ARHGAP26: variants seen among roughly 807,000 people sequenced by gnomAD.
ARHGAP26 encodes Rho GTPase activating protein 26.
Under a neutral mutation model 104.8 loss-of-function variants are expected in ARHGAP26, and 38 were observed. That is an observed-to-expected ratio of 0.36 (90% CI 0.28 to 0.48). ARHGAP26 has a LOEUF of 0.48. ARHGAP26 is among the 20% of genes least tolerant of loss of function. ARHGAP26 has a pLI of 0.99. For missense variants in ARHGAP26, 704 were observed against 947.9 expected (o/e 0.74, Z 3.38); for synonymous variants, 341 against 340.0 (o/e 1.00, Z -0.03).
chr5:142,979,702 C>A (rs1050333820), intron 11 of ARHGAP26, among the ~76,000 whole-genome samples: 1 of 152,224 alleles, frequency 6.6e-6, no homozygotes. Context: ...TGTTTGCCTT[C>A]CAGGCAAAGA....
At chr5:142,843,163 T>C (rs1254032878) in intron 1 of ARHGAP26, among the ~76,000 whole-genome samples, 2 of 151,726 alleles carry the variant, frequency 1.3e-5, no homozygotes, top group Non-Finnish European at 2.9e-5. Flanking sequence ...ACACTGGAGG[T>C]TTCCAAGACC....
At chr5:142,774,666 A>G (rs562891865) in intron 1 of ARHGAP26, among the ~76,000 whole-genome samples, 51 of 152,226 alleles carry the variant, frequency 3.4e-4, no homozygotes, top group Non-Finnish European at 6.2e-4. Context: ...GTATAATGAC[A>G]TATAAACACC....
At chr5:143,188,764 T>C (rs1214232562) in intron 20 of ARHGAP26, among the ~76,000 whole-genome samples, 1 of 152,176 alleles carries the variant, frequency 6.6e-6, no homozygotes, top group African/African-American at 2.4e-5. Flanking sequence ...TTAACATAAA[T>C]ATACTGACAA....
chr5:142,851,752 G>A (rs1328147499), intron 1 of ARHGAP26, among the ~76,000 whole-genome samples: 1 of 152,202 alleles, frequency 6.6e-6, no homozygotes, highest in Non-Finnish European at 1.5e-5. Context: ...TTTAGTTGCT[G>A]TGTTTTCTCC....
intron 12 of ARHGAP26, among the ~76,000 whole-genome samples, chr5:143,034,526 G>A (rs1328818217): frequency 1.3e-5 from 2 of 152,206 alleles, no homozygotes; most frequent in African/African-American, 4.8e-5. Context: ...TCCCATTTAT[G>A]TGAGGTGTTC....
At chr5:143,204,551 A>G (rs1353156019) in intron 20 of ARHGAP26, among the ~76,000 whole-genome samples, 1 of 152,216 alleles carries the variant, frequency 6.6e-6, no homozygotes, top group Admixed American at 6.5e-5. Context: ...AGTTGATACT[A>G]CGGTAATTGA....
At chr5:143,198,895 A>G (rs1807268279) in intron 20 of ARHGAP26, among the ~76,000 whole-genome samples, 3 of 152,226 alleles carry the variant, frequency 2.0e-5, no homozygotes, top group Admixed American at 1.3e-4. Flanking sequence ...TTTGGGGTAC[A>G]AATGATCCCA....
At chr5:143,094,862 G>A (rs561134136) in intron 17 of ARHGAP26, among the ~76,000 whole-genome samples, 1 of 152,212 alleles carries the variant, frequency 6.6e-6, no homozygotes, top group African/African-American at 2.4e-5. Flanking sequence ...ATGAGTCGGG[G>A]TGGAGCAGGT....
intron 11 of ARHGAP26, among the ~76,000 whole-genome samples, chr5:143,012,028 GT>G (rs1778826119): frequency 6.6e-6 from 1 of 152,132 alleles, no homozygotes; most frequent in Non-Finnish European, 1.5e-5. Context: ...AGAAATTAAA[GT>G]TCAGCAAGAT....
At chr5:143,157,405 T>C (rs1250842079) in intron 20 of ARHGAP26, among the ~76,000 whole-genome samples, 1 of 152,154 alleles carries the variant, frequency 6.6e-6, no homozygotes, top group African/African-American at 2.4e-5. Flanking sequence ...CTTGAACTCC[T>C]GACCTCAAGT....
intron 22 of ARHGAP26, among the ~76,000 whole-genome samples, chr5:143,218,988 C>T (rs899078363): frequency 5.9e-5 from 9 of 152,372 alleles, no homozygotes; most frequent in Admixed American, 5.9e-4. Flanking sequence ...GCAGAACCAA[C>T]TCCATAGTCA....
intron 1 of ARHGAP26, among the ~76,000 whole-genome samples, chr5:142,863,532 T>A (rs1753742101): frequency 6.6e-6 from 1 of 152,242 alleles, no homozygotes. Flanking sequence ...CTATTCTGTC[T>A]GCAACAGCTT....
chr5:142,833,461 TCTTAA>T (rs1473610730), intron 1 of ARHGAP26, among the ~76,000 whole-genome samples: 1 of 152,222 alleles, frequency 6.6e-6, no homozygotes, highest in Non-Finnish European at 1.5e-5. Flanking sequence ...TTTTCTTACC[TCTTAA>T]CTTTAAACAT....
In ARHGAP26 at chr5:142,825,848, T is replaced by C. The variant is rs114712195; in HGVS notation, c.155-47552T>C. On this transcript the variant is annotated intron_variant, in intron 1 of 22. Transcript: ENST00000645722. The stretch of plus-strand genomic sequence containing the variant: ...TCATTTATAGGTGTCCTTGGCGGAA[T>C]CCCTCAGAACACAGTTCTCGAATCT... 2.9e-3 allele frequency among the ~76,000 whole-genome samples: 441 copies of C among 152,308 alleles called. 3 individuals are homozygous for C. Among genetic ancestry groups the C allele is most frequent in the African/African-American group, 1.0e-2 (415 of 41,566 alleles).
chr5:143,098,769 C>T lies in ARHGAP26; in HGVS notation c.1539-22219C>T, dbSNP rs1237418152. Among the ~76,000 whole-genome samples, 4 of 152,084 alleles carry T rather than the reference C, an allele frequency of 2.6e-5. No homozygotes were observed. The East Asian group carries it at 7.7e-4, about 29-fold the overall frequency. On this transcript the variant is annotated intron_variant, in intron 17 of 22. Transcript: ENST00000645722. ...CTTTCAAATTGGAGTAATAACTTCT[C>T]CCTCATAGAAAATGAATTTAATAGT...
chr5:143,064,337 T>C (rs1787171861), intron 17 of ARHGAP26, among the ~76,000 whole-genome samples: 1 of 151,992 alleles, frequency 6.6e-6, no homozygotes. Context: ...AGCTCGATGT[T>C]TGGTGAATCA....
At chr5:143,070,049 C>G (rs1280314980) in intron 17 of ARHGAP26, among the ~76,000 whole-genome samples, 1 of 152,152 alleles carries the variant, frequency 6.6e-6, no homozygotes, top group East Asian at 1.9e-4. Flanking sequence ...CTTCTTGGTT[C>G]ACCAGTCCTC....
At chr5:142,904,513 T>A (rs1760823641) in intron 8 of ARHGAP26, among the ~76,000 whole-genome samples, 1 of 131,586 alleles carries the variant, frequency 7.6e-6, no homozygotes, top group Admixed American at 7.4e-5. Context: ...AGCAAGACCC[T>A]GTCTCTTAAA....
intron 14 of ARHGAP26, among the ~76,000 whole-genome samples, chr5:143,048,768 G>A (rs1784572906): frequency 1.3e-5 from 2 of 151,576 alleles, no homozygotes; most frequent in Non-Finnish European, 2.9e-5. Context: ...ACAAAAATTA[G>A]CCAGGCGTGG....
Sources: allele counts gnomAD v4.1 joint callset (sites outside exome capture counted in the v4.1 genomes callset), GRCh38; gene constraint gnomAD v4.1.1; transcripts MANE v1.5; gene names NCBI Gene and HGNC (gene_info 2026-07-23, HGNC 2026-07-21).